Variants in ATP2B2 observed in about 807,000 individuals in gnomAD.
The protein encoded by ATP2B2 is plasma membrane calcium-transporting ATPase 2.
ATP2B2 carries 15 observed loss-of-function variants against 120.0 expected under a neutral mutation model. That is an observed-to-expected ratio of 0.12 (90% CI 0.08 to 0.19). ATP2B2 has a LOEUF of 0.19. Ranked by LOEUF, ATP2B2 falls within the 10% of genes least tolerant of loss-of-function variation. The probability of loss-of-function intolerance (pLI) is 1.00; values close to 1 mark genes in which losing one functional copy is unlikely to be tolerated. For missense variants in ATP2B2, 1,045 were observed against 1,719.8 expected, an observed-to-expected ratio of 0.61 and a Z score of 6.94; for synonymous variants, 694 against 700.3, an observed-to-expected ratio of 0.99 and a Z score of 0.14.
At chr3:10,576,069 G>A (rs976785207) in intron 2 of ATP2B2, among the ~76,000 whole-genome samples, 131 of 152,318 alleles carry the variant, frequency 8.6e-4, no homozygotes, top group African/African-American at 3.1e-3. Flanking sequence ...CACACATGGC[G>A]AAGCTGGGGC....
At chr3:10,623,953 G>A (rs2069620328) in intron 1 of ATP2B2, among the ~76,000 whole-genome samples, 1 of 152,136 alleles carries the variant, frequency 6.6e-6, no homozygotes, top group South Asian at 2.1e-4. Context: ...AGCTGCTCTT[G>A]GGGCCCGAGT....
rs71314399 is a variant in ATP2B2, at chr3:10,381,600, C to T, written c.1001-2316G>A. On this transcript the variant is annotated intron_variant, in intron 8 of 22. Coordinates refer to ENST00000360273, the MANE Select transcript of ATP2B2 (RefSeq NM_001001331.4). ...CACAGATGGCCTGGTTTCTCAGAAG[C>T]GAGGGACTTATTTGGGGCTCTCCTG... Among the ~76,000 whole-genome samples the T allele has an allele frequency of 7.2e-3, 1,098 of 152,230 alleles. 9 individuals carry two copies. The highest frequency in any genetic ancestry group is 0.015 in the South Asian group (71 of 4,820).
At chr3:10,602,454 G>C (rs556204865) in intron 2 of ATP2B2, among the ~76,000 whole-genome samples, 1 of 152,310 alleles carries the variant, frequency 6.6e-6, no homozygotes, top group South Asian at 2.1e-4. Context: ...TTGTCTCAGG[G>C]AGAAAAGAAC....
chr3:10,385,325 C>T lies in ATP2B2; in HGVS notation c.943G>A (p.Ala315Thr). The T allele has an allele frequency of 1.2e-6, 2 of 1,613,774 alleles. No individual in the cohort carries two copies. Among genetic ancestry groups the T allele is most frequent in the Non-Finnish European group, 1.7e-6 (2 of 1,179,980 alleles). Residue 315 changes from alanine (A) to threonine (T), a missense_variant and splice_region_variant, in exon 8 of 23, where the codon GCA becomes ACA. Ala to Thr is a moderately conservative substitution (Grantham distance 58, BLOSUM62 0). Transcript: ENST00000360273. ...KKGDGLQLPA[A>T]DGAAASNAAD... ...GCATTTGAAGCTGCCGCACCGTCTG[C>T]TGCTGCAGGGGGGTGGGAGGGATGG...
At chr3:10,651,089 A>C (rs2070449312) in intron 1 of ATP2B2, among the ~76,000 whole-genome samples, 1 of 152,116 alleles carries the variant, frequency 6.6e-6, no homozygotes, top group African/African-American at 2.4e-5. Context: ...CTTGCTTTTG[A>C]TTTTACATGC....
chr3:10,579,841 A>AAAACAAAACAAAACG (rs1462774140), intron 2 of ATP2B2, among the ~76,000 whole-genome samples: 1 of 151,546 alleles, frequency 6.6e-6, no homozygotes, highest in African/African-American at 2.4e-5. Flanking sequence ...AAAACAAAAC[A>AAAACAAAACAAAACG]AAACAAAGAA....
At chr3:10,587,111 C>T (rs115403806) in intron 2 of ATP2B2, among the ~76,000 whole-genome samples, 4,328 of 152,140 alleles carry the variant, frequency 0.028, 85 homozygotes, top group Admixed American at 0.043. Flanking sequence ...CTGGGCAACA[C>T]GGCAAAACCC....
chr3:10,694,964 T>C (rs1010885614), intron 1 of ATP2B2, among the ~76,000 whole-genome samples: 1 of 152,024 alleles, frequency 6.6e-6, no homozygotes, highest in Admixed American at 6.6e-5. Context: ...CAGTGTGATG[T>C]TGTGGCTGCT....
intron 2 of ATP2B2, among the ~76,000 whole-genome samples, chr3:10,592,214 G>GGTGAATACTTAATAGTATTGA (rs1559475278): frequency 6.6e-6 from 1 of 152,194 alleles, no homozygotes; most frequent in Non-Finnish European, 1.5e-5. Flanking sequence ...GACTAAGAGA[G>GGTGAATACTTAATAGTATTGA]GTGAATACTT....
At position 10,402,033 on chromosome 3, in the gene ATP2B2, T is replaced by C. The variant is rs2062238412; in HGVS notation, c.655+58A>G. The C allele has an allele frequency of 8.7e-6, 14 of 1,606,426 alleles. No individual in the cohort carries two copies. The highest frequency in any genetic ancestry group is 6.7e-5 in the East Asian group (3 of 44,884). ...CCAATCTCTTTGCATCAGCCTGGCC[T>C]GTCCCACCTCTGCCGGAATCCAGCT... On this transcript the variant is annotated intron_variant, in intron 4 of 22. Coordinates refer to ENST00000360273, the MANE Select transcript of ATP2B2 (RefSeq NM_001001331.4). This position sits in a 1 kb window ranked among gnomAD's most constrained non-coding sequence, Gnocchi z 4.9.
chr3:10,438,226 A>G (rs2063539956), intron 2 of ATP2B2, among the ~76,000 whole-genome samples: 1 of 152,176 alleles, frequency 6.6e-6, no homozygotes, highest in African/African-American at 2.4e-5. Context: ...TCATGGGTCC[A>G]TGAGTCTCTC....
chr3:10,611,545 A>G (rs950934841), intron 2 of ATP2B2, among the ~76,000 whole-genome samples: 1 of 152,078 alleles, frequency 6.6e-6, no homozygotes, highest in Admixed American at 6.5e-5. Flanking sequence ...CTGAGCCTAC[A>G]CCATCAGTGA....
chr3:10,395,714 A>T (rs977331528), intron 5 of ATP2B2, among the ~76,000 whole-genome samples: 1 of 152,190 alleles, frequency 6.6e-6, no homozygotes, highest in Non-Finnish European at 1.5e-5. Context: ...ACCCATAGGG[A>T]CCTTAAAATG....
rs1363944044 is a variant in ATP2B2, at chr3:10,329,103, C to T, written c.3443G>A (p.Arg1148His). 6 of 1,609,316 alleles carry T rather than the reference C, an allele frequency of 3.7e-6. No individual in the cohort carries two copies. Among genetic ancestry groups the T allele is most frequent in the East Asian group, 2.2e-5 (1 of 44,578 alleles). ...QTQIRVVKAF[R>H]SSLYEGLEKP... Reference sequence around the variant, plus strand: ...TTCTAAACCTTCATAGAGAGAGCTACGGAACGCCTTCACGACGCGGATCTG... The same window carrying T: ...TTCTAAACCTTCATAGAGAGAGCTATGGAACGCCTTCACGACGCGGATCTG... Residue 1148 changes from arginine (R) to histidine (H), a missense_variant, in exon 23 of 23, where the codon CGT becomes CAT. Physicochemically the swap from Arg to His is conservative, Grantham distance 29 (BLOSUM62 0). Transcript: ENST00000360273. The surrounding 1 kb of genome is among the most constrained non-coding windows in gnomAD (Gnocchi z 5.9).
At chr3:10,376,411 TAGAGG>T (rs764278027) in intron 10 of ATP2B2, among the ~76,000 whole-genome samples, 3 of 152,060 alleles carry the variant, frequency 2.0e-5, no homozygotes, top group Admixed American at 6.5e-5. Flanking sequence ...ACATTCCATG[TAGAGG>T]AAACAGCAGG....
chr3:10,528,033 A>G (rs1575461806), intron 3 of ATP2B2, among the ~76,000 whole-genome samples: 1 of 152,170 alleles, frequency 6.6e-6, no homozygotes, highest in African/African-American at 2.4e-5. Context: ...GGTAATCGGC[A>G]AAACAGTGGT....
At chr3:10,408,793 CA>C (rs1271165240) in intron 3 of ATP2B2, among the ~76,000 whole-genome samples, 3 of 152,160 alleles carry the variant, frequency 2.0e-5, no homozygotes, top group East Asian at 3.9e-4. Context: ...CCACCCCCTC[CA>C]CCACCTGCTA....
At chr3:10,518,726 G>A (rs2066923657) in intron 3 of ATP2B2, among the ~76,000 whole-genome samples, 1 of 152,242 alleles carries the variant, frequency 6.6e-6, no homozygotes, top group African/African-American at 2.4e-5. Flanking sequence ...ATGCCTCTGA[G>A]GGAGGCCTGG....
intron 5 of ATP2B2, 97 bp downstream of exon 5, chr3:10,400,856 T>A: frequency 6.3e-7 from 1 of 1,577,178 alleles, no homozygotes; most frequent in Non-Finnish European, 8.7e-7. Context: ...GAGCCAAGGA[T>A]CAAAGTCTCT....
Sources: allele counts gnomAD v4.1 joint callset (sites outside exome capture counted in the v4.1 genomes callset), GRCh38; gene constraint gnomAD v4.1.1; non-coding constraint Gnocchi (gnomAD v3.1); transcripts MANE v1.5; gene names NCBI Gene and HGNC (gene_info 2026-07-23, HGNC 2026-07-21).